The following VANGL1 variants were observed in gnomAD, a reference collection of about 807,000 sequenced individuals.
VANGL1 encodes vang-like protein 1.
In VANGL1, 18 loss-of-function variants were observed where a neutral mutation model predicts 48.4. The observed-to-expected ratio is 0.37, with a 90% CI of 0.26 to 0.55. The LOEUF (loss-of-function observed/expected upper bound fraction) is 0.55. Ranked by LOEUF, VANGL1 falls within the 20% of genes least tolerant of loss-of-function variation. VANGL1 has a pLI of 0.81. For synonymous variants in VANGL1, 257 were observed against 261.8 expected, an observed-to-expected ratio of 0.98 and a Z score of 0.18; for missense variants, 667 against 675.8, an observed-to-expected ratio of 0.99 and a Z score of 0.14.
rs181817938 is a variant in VANGL1, at chr1:115,661,710, C to T, written c.204+1937C>T. ...TCACCTCACTGCAGCCTCTACCTCCCGGGTTCAAGCGATTCTCCTGCCTCA... is the reference window on the plus strand; with the variant it reads ...TCACCTCACTGCAGCCTCTACCTCCTGGGTTCAAGCGATTCTCCTGCCTCA... On this transcript the variant is annotated intron_variant, in intron 3 of 7. Coordinates refer to ENST00000355485, the MANE Select transcript of VANGL1 (RefSeq NM_138959.3). Among the ~76,000 whole-genome samples the T allele has an allele frequency of 5.0e-3, 758 of 152,026 alleles. 10 individuals are homozygous for T. The highest frequency in any genetic ancestry group is 4.5e-3 in the Non-Finnish European group (306 of 67,986).
chr1:115,664,281 A>T lies in VANGL1; in HGVS notation c.812+13A>T. The T allele has an allele frequency of 6.2e-7, 1 of 1,612,932 alleles. No individual in the cohort carries two copies. The highest frequency in any genetic ancestry group is 8.5e-7 in the Non-Finnish European group (1 of 1,179,810). On this transcript the variant is annotated intron_variant, in intron 4 of 7. Coordinates refer to ENST00000355485, the MANE Select transcript of VANGL1 (RefSeq NM_138959.3). ...TGGGACACCTGAGGTAAGAGGCAAC[A>T]TCCAGGAGGCAGAAAGGATGGCTGA...
intron 4 of VANGL1, among the ~76,000 whole-genome samples, chr1:115,671,809 G>T (rs565889029): frequency 6.6e-6 from 1 of 152,286 alleles, no homozygotes; most frequent in South Asian, 2.1e-4. Flanking sequence ...GTAGGGAAGC[G>T]TGTCTCCTAG....
At chr1:115,664,905 A>C (rs1174227672) in intron 4 of VANGL1, among the ~76,000 whole-genome samples, 1 of 152,234 alleles carries the variant, frequency 6.6e-6, no homozygotes, top group African/African-American at 2.4e-5. Flanking sequence ...AAGAGTGATT[A>C]CCATCATTTT....
intron 7 of VANGL1, among the ~76,000 whole-genome samples, chr1:115,686,783 C>CCA (rs1369186408): frequency 4.6e-5 from 7 of 152,160 alleles, no homozygotes; most frequent in South Asian, 4.2e-4. Flanking sequence ...GCAATTTAGT[C>CCA]TGGCCTCTTC....
intron 4 of VANGL1, among the ~76,000 whole-genome samples, chr1:115,680,934 C>G (rs569639886): frequency 6.6e-6 from 1 of 152,278 alleles, no homozygotes; most frequent in African/African-American, 2.4e-5. Flanking sequence ...AAAGGAAAAT[C>G]CAAAGGGCAA....
intron 6 of VANGL1, 71 bp from the exon 7 acceptor site, chr1:115,685,222 C>G (rs1303907450): frequency 6.4e-7 from 1 of 1,553,168 alleles, no homozygotes; most frequent in Non-Finnish European, 8.8e-7. Context: ...GCAGGGTAGA[C>G]AAGCGTCATT....
rs960453479 is a variant in VANGL1 at position 115,673,594 on chromosome 1, C to CTTT, written c.813-8749_813-8747dup. 1.6e-3 allele frequency among the ~76,000 whole-genome samples: 174 copies of CTTT among 108,568 alleles called. 1 individual carries two copies. The highest frequency in any genetic ancestry group is 3.7e-3 in the African/African-American group (89 of 24,340). 71.2% of individuals were successfully genotyped at this position (108,568 alleles called of 152,430 possible). ...CTCTCTGTGGGTCTCTGTATGTCCT[C>CTTT]TTTTTTTTTTTTTTTTTTTTTTTGA... On this transcript the variant is annotated intron_variant, in intron 4 of 7. Transcript: ENST00000355485.
intron 2 of VANGL1, among the ~76,000 whole-genome samples, chr1:115,654,498 TAAAAAAAAAAAA>T (rs869142756): frequency 3.3e-5 from 3 of 90,822 alleles, no homozygotes; most frequent in Admixed American, 1.2e-4. Flanking sequence ...TTGGTAGGGC[TAAAAAAAAAAAA>T]AAAAAAAAAA....
chr1:115,674,889 A>G (rs947238144), intron 4 of VANGL1, among the ~76,000 whole-genome samples: 1 of 152,198 alleles, frequency 6.6e-6, no homozygotes, highest in Admixed American at 6.5e-5. Flanking sequence ...TGCAGAAGCC[A>G]CAATCAAGTT....
At chr1:115,675,823 T>C (rs1653139927) in intron 4 of VANGL1, among the ~76,000 whole-genome samples, 1 of 152,028 alleles carries the variant, frequency 6.6e-6, no homozygotes. Flanking sequence ...AAACAATTGG[T>C]ATATGGATTG....
At chr1:115,687,536 A>G (rs1397367843) in intron 7 of VANGL1, among the ~76,000 whole-genome samples, 1 of 138,858 alleles carries the variant, frequency 7.2e-6, no homozygotes. Flanking sequence ...TGGTATAGAA[A>G]TCCAAACATT....
intron 4 of VANGL1, among the ~76,000 whole-genome samples, chr1:115,666,646 G>C (rs918755180): frequency 6.6e-6 from 1 of 152,186 alleles, no homozygotes; most frequent in African/African-American, 2.4e-5. Context: ...ATCTGCCCTG[G>C]GGAGAGCGTT....
chr1:115,695,037 GA>G lies in VANGL1; in HGVS notation c.*3659del, dbSNP rs1653985126. On this transcript the variant is annotated 3_prime_UTR_variant, in exon 8 of 8. Coordinates refer to ENST00000355485, the MANE Select transcript of VANGL1 (RefSeq NM_138959.3). ...TCACTGACACTGGCTTCTCCCGCTAGAGTAAATGGCTTTAGCACAGCACTGT... is the reference window on the plus strand; with the variant it reads ...TCACTGACACTGGCTTCTCCCGCTAGGTAAATGGCTTTAGCACAGCACTGT... 1.3e-5 allele frequency: 2 copies of G among 152,172 alleles called. No homozygotes were observed. The highest frequency in any genetic ancestry group is 4.1e-4 in the South Asian group (2 of 4,830). The allele number at this position is 152,172 out of a possible 1,614,324, so 9.4% of individuals were successfully genotyped here. A position where few individuals can be genotyped will look rare whatever the true frequency, so the allele number is the denominator to read the frequency against.
chr1:115,677,145 A>G (rs1224553642), intron 4 of VANGL1, among the ~76,000 whole-genome samples: 1 of 152,080 alleles, frequency 6.6e-6, no homozygotes, highest in Non-Finnish European at 1.5e-5. Context: ...TTTGGTTTGT[A>G]TTTTTTTCTT....
At chr1:115,677,533 A>G (rs1557772424) in intron 4 of VANGL1, among the ~76,000 whole-genome samples, 1 of 152,186 alleles carries the variant, frequency 6.6e-6, no homozygotes. Context: ...ACTGAAGCCT[A>G]TTGAGGAGGT....
intron 1 of VANGL1, among the ~76,000 whole-genome samples, chr1:115,649,426 C>A (rs1474687694): frequency 6.6e-6 from 1 of 152,132 alleles, no homozygotes; most frequent in Admixed American, 6.5e-5. Flanking sequence ...ATGTGTGCTC[C>A]GTTCTGTCTG....
At chr1:115,661,538 T>A (rs1317535463) in intron 3 of VANGL1, among the ~76,000 whole-genome samples, 3 of 151,868 alleles carry the variant, frequency 2.0e-5, no homozygotes, top group African/African-American at 7.3e-5. Flanking sequence ...TTATTTTTGC[T>A]GAGTAGTATT....
intron 2 of VANGL1, among the ~76,000 whole-genome samples, chr1:115,654,905 T>C (rs1057098867): frequency 6.6e-6 from 1 of 152,194 alleles, no homozygotes; most frequent in East Asian, 1.9e-4. Flanking sequence ...AGGGCAGTGT[T>C]ATTTGCCTAA....
chr1:115,687,896 TATTACAGGCCACC>T lies in VANGL1; in HGVS notation c.1314+2371_1314+2383del, dbSNP rs1653687908. 2.2e-5 allele frequency among the ~76,000 whole-genome samples: 3 copies of T among 136,166 alleles called. 1 individual carries two copies. Among genetic ancestry groups the T allele is most frequent in the Non-Finnish European group, 4.8e-5 (3 of 62,908 alleles). The allele number at this position is 136,166 out of a possible 152,430, so 89.3% of individuals were successfully genotyped here. On this transcript the variant is annotated intron_variant, in intron 7 of 7. Transcript: ENST00000355485. ...CTGCCTCAGCCTTGCAAAGTGCTAG[TATTACAGGCCACC>T]ACCCCGGCCTATATATATCATTCAT...
Sources: allele counts gnomAD v4.1 joint callset (sites outside exome capture counted in the v4.1 genomes callset), GRCh38; gene constraint gnomAD v4.1.1; transcripts MANE v1.5; gene names NCBI Gene and HGNC (gene_info 2026-07-23, HGNC 2026-07-21).